Variants in CNTNAP2 observed in about 807,000 individuals in gnomAD.
CNTNAP2 encodes the protein contactin associated protein 2.
Under a neutral mutation model 155.2 loss-of-function variants are expected in CNTNAP2, and 98 were observed. The observed-to-expected ratio is 0.63, with a 90% confidence interval of 0.54 to 0.75. CNTNAP2 has a LOEUF of 0.75. Among genes scored for constraint, CNTNAP2 ranks in the 30% least tolerant of loss-of-function variants. The pLI, the probability that CNTNAP2 is intolerant of heterozygous loss-of-function variation, is 0.00. For missense variants in CNTNAP2, 1,727 were observed against 1,688.1 expected, an observed-to-expected ratio of 1.02 and a Z score of -0.40; for synonymous variants, 651 against 631.2, an observed-to-expected ratio of 1.03 and a Z score of -0.47.
chr7:146,871,424 G>A (rs949538674), intron 3 of CNTNAP2, among the ~76,000 whole-genome samples: 1 of 152,014 alleles, frequency 6.6e-6, no homozygotes, highest in Non-Finnish European at 1.5e-5. Context: ...CAGCGACTCA[G>A]GAGGCTGAGA....
At chr7:146,910,729 C>T (rs1796255058) in intron 3 of CNTNAP2, among the ~76,000 whole-genome samples, 2 of 149,436 alleles carry the variant, frequency 1.3e-5, no homozygotes, top group South Asian at 4.2e-4. Flanking sequence ...CATTACCATT[C>T]AGGACATAGG....
intron 20 of CNTNAP2, among the ~76,000 whole-genome samples, chr7:148,260,291 G>A (rs571159622): frequency 1.5e-4 from 23 of 152,296 alleles, no homozygotes; most frequent in East Asian, 5.8e-4. Flanking sequence ...GCAGCTCACC[G>A]TTTTGTCTCT....
chr7:146,865,408 A>G (rs945298433), intron 3 of CNTNAP2, among the ~76,000 whole-genome samples: 9 of 152,170 alleles, frequency 5.9e-5, no homozygotes, highest in African/African-American at 2.2e-4. Context: ...AAAAATTACT[A>G]TAAACTTATA....
At chr7:146,248,249 G>T (rs534634805) in intron 1 of CNTNAP2, among the ~76,000 whole-genome samples, 1 of 151,514 alleles carries the variant, frequency 6.6e-6, no homozygotes, top group East Asian at 2.0e-4. Flanking sequence ...AGGACTTGCC[G>T]CTCAGGGTGA....
intron 8 of CNTNAP2, among the ~76,000 whole-genome samples, chr7:147,250,237 G>A (rs1360483149): frequency 1.3e-5 from 2 of 152,104 alleles, no homozygotes; most frequent in Non-Finnish European, 2.9e-5. Flanking sequence ...AGAAGAGGGG[G>A]TGGTGGATTT....
chr7:146,885,830 T>C lies in CNTNAP2; in HGVS notation c.402+45926T>C, dbSNP rs141937474. ...AGTCAAAGATTCTTTTCAGCATGAA[T>C]TGTAAACTAAGCATTTCAATAATAT... is the stretch of plus-strand genomic sequence containing the variant. On this transcript the variant is annotated intron_variant, in intron 3 of 23. Coordinates refer to ENST00000361727, the MANE Select transcript of CNTNAP2 (RefSeq NM_014141.6). Among the ~76,000 whole-genome samples, 449 of 152,222 alleles carry C rather than the reference T, an allele frequency of 2.9e-3. 3 individuals carry two copies. The highest frequency in any genetic ancestry group is 1.0e-2 in the African/African-American group (414 of 41,544).
At chr7:146,940,203 A>G (rs1461533734) in intron 3 of CNTNAP2, among the ~76,000 whole-genome samples, 3 of 151,370 alleles carry the variant, frequency 2.0e-5, no homozygotes, top group Admixed American at 2.0e-4. Context: ...TTTTATTTTT[A>G]TTATTTATTT....
In CNTNAP2 at chr7:146,151,646, ATATATATATATAT is replaced by A. The variant is rs1562968888; in HGVS notation, c.97+34674_97+34686del. Among the ~76,000 whole-genome samples the A allele has an allele frequency of 7.2e-3, 504 of 70,286 alleles. 21 individuals carry two copies. The highest frequency in any genetic ancestry group is 0.017 in the African/African-American group (437 of 26,074). The allele number at this position is 70,286 out of a possible 152,430, so 46.1% of individuals were successfully genotyped here. ...GACAAAGAAAACGTGATATATATAT[ATATATATATATAT>A]ATATATATATATATATATATATGTA... On this transcript the variant is annotated intron_variant, in intron 1 of 23. Transcript: ENST00000361727.
intron 2 of CNTNAP2, among the ~76,000 whole-genome samples, chr7:146,804,299 C>T (rs1258796284): frequency 6.6e-6 from 1 of 151,998 alleles, no homozygotes; most frequent in Non-Finnish European, 1.5e-5. Context: ...TACATTTTTG[C>T]TTTAAGCTTA....
At chr7:147,271,663 A>G (rs1261316871) in intron 8 of CNTNAP2, among the ~76,000 whole-genome samples, 2 of 152,104 alleles carry the variant, frequency 1.3e-5, no homozygotes, top group Admixed American at 6.5e-5. Context: ...AGGGAATGAG[A>G]GCTAAGTGAA....
intron 3 of CNTNAP2, among the ~76,000 whole-genome samples, chr7:146,896,296 C>T (rs1795875174): frequency 6.6e-6 from 1 of 152,040 alleles, no homozygotes; most frequent in Non-Finnish European, 1.5e-5. Flanking sequence ...TAGGCAATGC[C>T]TGATTCCTGG....
Position 146,131,154 on chromosome 7 carries a change from A to AT in CNTNAP2, c.97+14187dup, listed in dbSNP as rs757719342. On this transcript the variant is annotated intron_variant, in intron 1 of 23. Coordinates refer to ENST00000361727, the MANE Select transcript of CNTNAP2 (RefSeq NM_014141.6). ...CAACATTTACAATATATTTGTAGTT[A>AT]TTTTTTAATGTGAATAAAGGTAATA... 3.7e-4 allele frequency among the ~76,000 whole-genome samples: 56 copies of AT among 152,302 alleles called. 1 individual carries two copies. The highest frequency in any genetic ancestry group is 1.0e-3 in the South Asian group (5 of 4,834).
At chr7:147,365,014 T>C (rs1453171420) in intron 9 of CNTNAP2, among the ~76,000 whole-genome samples, 1 of 152,212 alleles carries the variant, frequency 6.6e-6, no homozygotes, top group African/African-American at 2.4e-5. Context: ...GATGTTCTTC[T>C]AGCAGCATAT....
chr7:147,955,324 T>C (rs189834767), intron 14 of CNTNAP2, among the ~76,000 whole-genome samples: 2 of 152,302 alleles, frequency 1.3e-5, no homozygotes, highest in Admixed American at 1.3e-4. Context: ...TGATATACTT[T>C]AAATATTAAT....
intron 8 of CNTNAP2, among the ~76,000 whole-genome samples, chr7:147,292,956 C>T (rs1416888812): frequency 3.9e-5 from 6 of 151,948 alleles, no homozygotes; most frequent in African/African-American, 1.2e-4. Flanking sequence ...TTAGTAGAGA[C>T]GGGGTTTCAC....
chr7:147,540,564 T>C (rs1799621337), intron 11 of CNTNAP2, among the ~76,000 whole-genome samples: 1 of 152,124 alleles, frequency 6.6e-6, no homozygotes, highest in Admixed American at 6.6e-5. Flanking sequence ...AGTAACAATA[T>C]ATTGCAAGGA....
At chr7:146,428,534 A>G (rs1239728317) in intron 1 of CNTNAP2, among the ~76,000 whole-genome samples, 1 of 151,606 alleles carries the variant, frequency 6.6e-6, no homozygotes, top group Non-Finnish European at 1.5e-5. Flanking sequence ...TTGTTGGCAT[A>G]TGTATGTCTT....
chr7:148,128,438 T>C (rs1804759104), intron 16 of CNTNAP2, among the ~76,000 whole-genome samples: 1 of 152,226 alleles, frequency 6.6e-6, no homozygotes, highest in Admixed American at 6.5e-5. Context: ...TTTAAACCTT[T>C]GATTTGAATT....
rs1799102563 is a variant in CNTNAP2, at chr7:147,515,337, G to GTT, written c.1777+29299_1777+29300dup. Among the ~76,000 whole-genome samples, 7 of 134,748 alleles carry GTT rather than the reference G, an allele frequency of 5.2e-5. No homozygotes were observed. In the East Asian group the frequency reaches 1.6e-3, roughly 30 times the overall value. 88.4% of individuals were successfully genotyped at this position (134,748 alleles called of 152,430 possible). A position where few individuals can be genotyped will look rare whatever the true frequency, so the allele number is the denominator to read the frequency against. ...CATTATATTCTTTTTTTGTTTGTTT[G>GTT]TTTTGAGACAAGTCTCGCTCTGTCG... On this transcript the variant is annotated intron_variant, in intron 11 of 23. Transcript: ENST00000361727.
Sources: allele counts gnomAD v4.1 joint callset (sites outside exome capture counted in the v4.1 genomes callset), GRCh38; gene constraint gnomAD v4.1.1; transcripts MANE v1.5; gene names NCBI Gene and HGNC (gene_info 2026-07-23, HGNC 2026-07-21).